Variants in TNRC6C observed in about 807,000 individuals in gnomAD.
The protein encoded by TNRC6C is trinucleotide repeat containing adaptor 6C.
Under a neutral mutation model 153.7 loss-of-function variants are expected in TNRC6C, and 20 were observed. That is an observed-to-expected ratio of 0.13 (90% confidence interval 0.09 to 0.19). The LOEUF (loss-of-function observed/expected upper bound fraction) is 0.19. Ranked by LOEUF, TNRC6C falls within the 10% of genes least tolerant of loss-of-function variation. TNRC6C has a pLI of 1.00. For synonymous variants in TNRC6C, 811 were observed against 841.4 expected (o/e 0.96, Z 0.63); for missense variants, 1,987 against 2,172.0 (o/e 0.91, Z 1.69).
At chr17:77,959,664 T>C (rs1010368964) in intron 1 of TNRC6C, among the ~76,000 whole-genome samples, 3 of 151,664 alleles carry the variant, frequency 2.0e-5, no homozygotes, top group Non-Finnish European at 2.9e-5. Flanking sequence ...CCCGGTGCCG[T>C]TGTTTGGGGG....
chr17:77,972,739 A>C (rs918936823), intron 1 of TNRC6C, among the ~76,000 whole-genome samples: 4 of 152,212 alleles, frequency 2.6e-5, no homozygotes, highest in African/African-American at 9.6e-5. Context: ...AAGAAAATCC[A>C]GGTTATTTTG....
chr17:78,107,695 C>T (rs773898274), exon 20 of TNRC6C: 13 of 152,254 alleles, frequency 8.5e-5, no homozygotes, highest in Non-Finnish European at 1.9e-4. Context: ...CACAGCCAAG[C>T]TTTCCAGCTC....
At chr17:78,074,828 G>T (rs1011103290) in intron 7 of TNRC6C, among the ~76,000 whole-genome samples, 17 of 152,378 alleles carry the variant, frequency 1.1e-4, no homozygotes, top group Non-Finnish European at 2.1e-4. Context: ...GACAAGCTGA[G>T]CCCCTGAGGG....
exon 3 of TNRC6C, chr17:78,050,553 C>T: frequency 6.2e-7 from 1 of 1,613,208 alleles, no homozygotes; most frequent in Non-Finnish European, 8.5e-7. Flanking sequence ...ATGGGTCCAT[C>T]ATGAACAGTA....
At chr17:78,065,466 G>A (rs769721714) in intron 4 of TNRC6C, among the ~76,000 whole-genome samples, 2 of 152,016 alleles carry the variant, frequency 1.3e-5, no homozygotes, top group African/African-American at 2.4e-5. Flanking sequence ...ACAAATAAAT[G>A]CAAAAGTCAA....
rs145066025 is a variant in TNRC6C, at chr17:77,984,796, G to A, written c.-37-19374G>A. ...ATGCCCTCTCCAGTCCTGCGTGGAG[G>A]GATCTTCCTCTGAGTTCTTAGCCTC... On this transcript the variant is annotated intron_variant, in intron 1 of 22. Coordinates refer to the TNRC6C transcript ENST00000636222. Among the ~76,000 whole-genome samples, 477 of 152,020 alleles carry A rather than the reference G, an allele frequency of 3.1e-3. 3 individuals carry two copies. Among genetic ancestry groups the A allele is most frequent in the African/African-American group, 0.011 (449 of 41,426 alleles).
chr17:77,961,064 T>G (rs1477743901), intron 1 of TNRC6C, among the ~76,000 whole-genome samples: 1 of 152,140 alleles, frequency 6.6e-6, no homozygotes, highest in East Asian at 1.9e-4. Context: ...CACACTCGTT[T>G]TTATTATAAG....
In TNRC6C at chr17:77,971,939, C is replaced by T. The variant is rs555085701; in HGVS notation, c.-38+12671C>T. 2.0e-5 allele frequency among the ~76,000 whole-genome samples: 3 copies of T among 150,484 alleles called. No individual in the cohort carries two copies. In the South Asian group the frequency reaches 6.3e-4, roughly 31 times the overall value. On this transcript the variant is annotated intron_variant, in intron 1 of 22. Coordinates refer to the TNRC6C transcript ENST00000636222. ...ACTGTACTAGGAGAGAAATGTATAG[C>T]TTTAAATGTATTAAATATGTATTAG...
At chr17:78,097,884 T>C in intron 16 of TNRC6C, 23 bp downstream of exon 19, 3 of 1,485,364 alleles carry the variant, frequency 2.0e-6, no homozygotes, top group Non-Finnish European at 2.7e-6. Context: ...CCTCTAGACT[T>C]GCAGGTAGCA....
At chr17:78,001,918 A>ATG (rs2071419257), upstream of TNRC6C, among the ~76,000 whole-genome samples, 1 of 152,208 alleles carries the variant, frequency 6.6e-6, no homozygotes, top group Admixed American at 6.5e-5. Context: ...TATGTTGATC[A>ATG]TGTATATTTA....
At chr17:77,989,201 T>G (rs1378300715) in intron 1 of TNRC6C, among the ~76,000 whole-genome samples, 1 of 152,176 alleles carries the variant, frequency 6.6e-6, no homozygotes, top group African/African-American at 2.4e-5. Flanking sequence ...GTGATTCGAG[T>G]TGGGCACAAT....
chr17:78,098,536 G>A (rs371186463), exon 17 of TNRC6C: 101 of 1,611,832 alleles, frequency 6.3e-5, no homozygotes, highest in African/African-American at 3.2e-4. Flanking sequence ...CCTACTCCTC[G>A]GGTAAGCTCC....
At chr17:78,059,054 A>G (rs191691143) in intron 3 of TNRC6C, among the ~76,000 whole-genome samples, 38 of 152,356 alleles carry the variant, frequency 2.5e-4, no homozygotes, top group African/African-American at 8.4e-4. Context: ...AAGTCTCATT[A>G]GCAGCAGAAG....
chr17:78,098,395 G>C, exon 17 of TNRC6C: 8 of 1,613,752 alleles, frequency 5.0e-6, no homozygotes, highest in Non-Finnish European at 5.9e-6. Context: ...CCTCCCACAC[G>C]CAAGCCTCTC....
chr17:78,003,634 CAG>C (rs2071447988), upstream of TNRC6C, among the ~76,000 whole-genome samples: 1 of 152,046 alleles, frequency 6.6e-6, no homozygotes, highest in Non-Finnish European at 1.5e-5. Flanking sequence ...TATTTAGAAA[CAG>C]AAGGAAGGTG....
At chr17:78,081,633 A>G (rs546538277) in intron 10 of TNRC6C, among the ~76,000 whole-genome samples, 78 of 152,306 alleles carry the variant, frequency 5.1e-4, no homozygotes, top group African/African-American at 1.9e-3. Flanking sequence ...TGCCATAGCC[A>G]CTTCCCAGGA....
At chr17:77,985,387 G>A (rs2071148158) in intron 1 of TNRC6C, among the ~76,000 whole-genome samples, 1 of 151,292 alleles carries the variant, frequency 6.6e-6, no homozygotes, top group South Asian at 2.1e-4. Flanking sequence ...GAGGTCAGGA[G>A]ATCGAGACCA....
At chr17:78,100,378 T>C (rs2073567924) in intron 17 of TNRC6C, among the ~76,000 whole-genome samples, 2 of 152,230 alleles carry the variant, frequency 1.3e-5, no homozygotes, top group Admixed American at 6.5e-5. Flanking sequence ...CTCTGAAATC[T>C]AGGTGGAGGT....
At chr17:78,064,926 T>A in exon 4 of TNRC6C, 1 of 1,608,974 alleles carries the variant, frequency 6.2e-7, no homozygotes, top group South Asian at 1.1e-5. Flanking sequence ...GCCTCAGCCC[T>A]GTGCAAACCA....
Sources: gnomAD v4.1 joint callset for allele counts (sites outside exome capture counted in the v4.1 genomes callset) on GRCh38, gnomAD v4.1.1 for gene constraint, MANE v1.5 for transcripts, NCBI Gene and HGNC (gene_info 2026-07-23, HGNC 2026-07-21) for gene names.